The following ADGRL3 variants were observed in gnomAD, a reference collection of about 807,000 sequenced individuals.
ADGRL3 encodes the protein calcium-independent alpha-latrotoxin receptor 3.
Under a neutral mutation model 153.5 loss-of-function variants are expected in ADGRL3, and 62 were observed. The observed-to-expected ratio is 0.40, with a 90% CI of 0.33 to 0.50. The LOEUF is 0.50. ADGRL3 is among the 20% of genes least tolerant of loss of function. The probability of loss-of-function intolerance (pLI) is 0.47; values close to 1 mark genes in which losing one functional copy is unlikely to be tolerated. For synonymous variants in ADGRL3, 710 were observed against 672.5 expected, an observed-to-expected ratio of 1.06 and a Z score of -0.86; for missense variants, 1,641 against 1,859.4, an observed-to-expected ratio of 0.88 and a Z score of 2.16.
chr4:61,537,191 G>C (rs1376297810), intron 4 of ADGRL3, among the ~76,000 whole-genome samples: 1 of 148,840 alleles, frequency 6.7e-6, no homozygotes, highest in Non-Finnish European at 1.5e-5. Context: ...TTTTAATTTA[G>C]GTAGTCTAAA....
chr4:61,813,057 C>T (rs1459259680), intron 8 of ADGRL3, among the ~76,000 whole-genome samples: 1 of 152,108 alleles, frequency 6.6e-6, no homozygotes, highest in Non-Finnish European at 1.5e-5. Flanking sequence ...CTGTTTATTA[C>T]TGATCTGCAC....
At chr4:61,503,457 T>G (rs1248497932) in intron 3 of ADGRL3, among the ~76,000 whole-genome samples, 1 of 152,080 alleles carries the variant, frequency 6.6e-6, no homozygotes. Flanking sequence ...TTAAAAATAT[T>G]TGAATATACA....
intron 6 of ADGRL3, among the ~76,000 whole-genome samples, chr4:61,703,292 C>A (rs1176973802): frequency 7.7e-6 from 1 of 129,784 alleles, no homozygotes; most frequent in African/African-American, 2.5e-5. Flanking sequence ...CTCAACAAAT[C>A]TTGGTTGATA....
chr4:61,328,002 T>C (rs897976427), intron 1 of ADGRL3, among the ~76,000 whole-genome samples: 2 of 152,108 alleles, frequency 1.3e-5, no homozygotes, highest in Non-Finnish European at 2.9e-5. Flanking sequence ...AGTAAAATGG[T>C]AGTGTGCAAT....
At chr4:61,742,223 T>G (rs186954406) in intron 8 of ADGRL3, among the ~76,000 whole-genome samples, 20 of 152,286 alleles carry the variant, frequency 1.3e-4, no homozygotes, top group Non-Finnish European at 2.1e-4. Context: ...GTCAGACATA[T>G]GCTTCACTTC....
intron 2 of ADGRL3, among the ~76,000 whole-genome samples, chr4:61,476,623 C>T (rs575461845): frequency 7.5e-6 from 1 of 132,974 alleles, no homozygotes; most frequent in South Asian, 2.6e-4. Context: ...ACAAGAGAAT[C>T]GCTTGAACCT....
intron 4 of ADGRL3, among the ~76,000 whole-genome samples, chr4:61,552,937 G>T (rs1032433815): frequency 1.3e-5 from 2 of 152,028 alleles, no homozygotes; most frequent in African/African-American, 4.8e-5. Context: ...ATTTATGAAG[G>T]CCTTACAGTG....
At chr4:61,588,970 T>G (rs1011518504) in intron 5 of ADGRL3, among the ~76,000 whole-genome samples, 4 of 152,132 alleles carry the variant, frequency 2.6e-5, no homozygotes, top group African/African-American at 9.6e-5. Context: ...AAGCATTAGC[T>G]CTTTCATCTG....
chr4:61,882,557 CA>C (rs1289597565), intron 9 of ADGRL3, among the ~76,000 whole-genome samples: 1 of 152,136 alleles, frequency 6.6e-6, no homozygotes, highest in Non-Finnish European at 1.5e-5. Context: ...CCACACCACC[CA>C]GAGTAAACGC....
chr4:61,908,585 G>T lies in ADGRL3; in HGVS notation c.1888-975G>T, dbSNP rs1218662990. Among the ~76,000 whole-genome samples the T allele has an allele frequency of 2.8e-5, 4 of 143,264 alleles. No homozygotes were observed. The Admixed American group carries it at 2.9e-4, about 10-fold the overall frequency. 94.0% of individuals were successfully genotyped at this position (143,264 alleles called of 152,430 possible). A position where few individuals can be genotyped will look rare whatever the true frequency, so the allele number is the denominator to read the frequency against. ...ATCATGCCATTGCACTCCAGCCTGG[G>T]CGACAAGAGCAAAACAACGCCTCAA... On this transcript the variant is annotated intron_variant, in intron 11 of 26. Transcript: ENST00000683033.
chr4:61,291,363 G>A (rs535292616), intron 1 of ADGRL3, among the ~76,000 whole-genome samples: 2 of 150,502 alleles, frequency 1.3e-5, no homozygotes, highest in South Asian at 4.2e-4. Context: ...GTGTAACAAT[G>A]ATTTATGTAG....
At chr4:61,563,140 T>A (rs573965466) in intron 4 of ADGRL3, among the ~76,000 whole-genome samples, 63 of 152,232 alleles carry the variant, frequency 4.1e-4, no homozygotes, top group African/African-American at 1.5e-3. Context: ...AATTACTCGA[T>A]CTATAGACTG....
chr4:61,503,230 T>C (rs1367896832), intron 3 of ADGRL3, among the ~76,000 whole-genome samples: 1 of 152,186 alleles, frequency 6.6e-6, no homozygotes, highest in Admixed American at 6.5e-5. Context: ...TTTTTGCTTT[T>C]GTACTTGCAA....
chr4:61,299,244 G>A (rs1361508979), intron 1 of ADGRL3, among the ~76,000 whole-genome samples: 1 of 151,918 alleles, frequency 6.6e-6, no homozygotes, highest in Non-Finnish European at 1.5e-5. Flanking sequence ...CACAAGCAAA[G>A]CATAAGTACA....
Position 61,407,594 on chromosome 4 carries a change from G to A in ADGRL3, c.-174+24405G>A, listed in dbSNP as rs559095965. On this transcript the variant is annotated intron_variant, in intron 2 of 26. Transcript: ENST00000683033. ...ACCAATTTTTAGTTTAACTTGCATC[G>A]TTTTACCTGCCAAACAAAGCTCTGC... Among the ~76,000 whole-genome samples, 9 of 151,998 alleles carry A rather than the reference G, an allele frequency of 5.9e-5. No individual in the cohort carries two copies. The South Asian group carries it at 6.2e-4, about 11-fold the overall frequency.
intron 1 of ADGRL3, among the ~76,000 whole-genome samples, chr4:61,303,968 T>C (rs559791132): frequency 6.6e-6 from 1 of 152,300 alleles, no homozygotes; most frequent in South Asian, 2.1e-4. Context: ...AGGCATCCTG[T>C]TCAGTATTAG....
chr4:61,879,327 T>C (rs1202210395), intron 9 of ADGRL3, among the ~76,000 whole-genome samples: 1 of 152,212 alleles, frequency 6.6e-6, no homozygotes, highest in Non-Finnish European at 1.5e-5. Context: ...TCTGAAATGC[T>C]TGGGACCAGA....
intron 4 of ADGRL3, among the ~76,000 whole-genome samples, chr4:61,532,778 C>G (rs1259137389): frequency 6.6e-6 from 1 of 151,240 alleles, no homozygotes; most frequent in Non-Finnish European, 1.5e-5. Flanking sequence ...TCTCAGCACA[C>G]ATGCTTGCCA....
At chr4:61,848,221 A>G (rs1480910791) in intron 9 of ADGRL3, among the ~76,000 whole-genome samples, 2 of 146,446 alleles carry the variant, frequency 1.4e-5, no homozygotes, top group Admixed American at 7.3e-5. Context: ...AGCCATGTGC[A>G]TTAGTTTCCA....
Sources: gnomAD v4.1 joint callset for allele counts (sites outside exome capture counted in the v4.1 genomes callset) on GRCh38, gnomAD v4.1.1 for gene constraint, MANE v1.5 for transcripts, NCBI Gene and HGNC (gene_info 2026-07-23, HGNC 2026-07-21) for gene names.